KCNAB1: variants seen among roughly 807,000 people sequenced by gnomAD.
KCNAB1 encodes the protein potassium voltage-gated channel subfamily A regulatory beta subunit 1.
In KCNAB1, 35 loss-of-function variants were observed where a neutral mutation model predicts 64.6. The observed-to-expected ratio is 0.54, with a 90% CI of 0.41 to 0.72. The LOEUF (loss-of-function observed/expected upper bound fraction) is 0.72, where lower values mean the gene tolerates loss of function less well. Among genes scored for constraint, KCNAB1 ranks in the 30% least tolerant of loss-of-function variants. KCNAB1 has a pLI of 0.00. For missense variants in KCNAB1, 401 were observed against 512.9 expected (o/e 0.78, Z 2.11); for synonymous variants, 177 against 183.8 (o/e 0.96, Z 0.30).
chr3:156,379,229 T>TA (rs769420014), intron 1 of KCNAB1, among the ~76,000 whole-genome samples: 5 of 152,182 alleles, frequency 3.3e-5, no homozygotes, highest in Non-Finnish European at 7.4e-5. Context: ...ACTGGGGCCC[T>TA]ATTATGTCTG....
chr3:156,143,569 G>GTTGTTTTTTTTTTTTTTT (rs1443482013), intron 1 of KCNAB1: 1 of 281,598 alleles, frequency 3.6e-6, no homozygotes, highest in Admixed American at 4.8e-5. Flanking sequence ...TTGCATTCTT[G>GTTGTTTTTTTTTTTTTTT]TTTTTTTTTT....
In KCNAB1 at chr3:156,516,366, T is replaced by C; in HGVS notation, c.960+2T>C. 1 of 1,604,628 alleles carries C rather than the reference T, an allele frequency of 6.2e-7. No individual in the cohort carries two copies. Among genetic ancestry groups the C allele is most frequent in the Non-Finnish European group, 8.5e-7 (1 of 1,171,376 alleles). ...GAAAGTTCCAGGGCTTCACTGAAGGTATTTTTCTCAATGTCTAGAAAAAAG... is the reference window on the plus strand; with the variant it reads ...GAAAGTTCCAGGGCTTCACTGAAGGCATTTTTCTCAATGTCTAGAAAAAAG... On this transcript the variant is annotated splice_donor_variant, in intron 11 of 13. Coordinates refer to ENST00000490337, the MANE Select transcript of KCNAB1 (RefSeq NM_172160.3). LOFTEE classifies it high-confidence loss of function.
At chr3:156,512,882 T>A (rs1302403290) in intron 8 of KCNAB1, among the ~76,000 whole-genome samples, 1 of 152,216 alleles carries the variant, frequency 6.6e-6, no homozygotes, top group African/African-American at 2.4e-5. Context: ...TGAAAGCATT[T>A]CCATCTTCCA....
intron 8 of KCNAB1, among the ~76,000 whole-genome samples, chr3:156,478,894 T>C (rs1167472852): frequency 1.3e-5 from 2 of 152,078 alleles, no homozygotes; most frequent in African/African-American, 2.4e-5. Context: ...CTCAAAAGAA[T>C]GGCTGTAAAT....
At chr3:156,134,194 AG>A (rs1373353626) in intron 1 of KCNAB1, among the ~76,000 whole-genome samples, 2 of 152,210 alleles carry the variant, frequency 1.3e-5, no homozygotes, top group African/African-American at 4.8e-5. Context: ...AAATATCCTC[AG>A]GGGCTATTAA....
chr3:156,499,761 A>C (rs1440788315), intron 8 of KCNAB1, among the ~76,000 whole-genome samples: 2 of 152,168 alleles, frequency 1.3e-5, no homozygotes, highest in African/African-American at 2.4e-5. Context: ...CGGCTGTGGC[A>C]AAACATAAAT....
intron 8 of KCNAB1, among the ~76,000 whole-genome samples, chr3:156,491,559 AAC>A (rs965458192): frequency 1.3e-5 from 2 of 152,164 alleles, no homozygotes; most frequent in African/African-American, 4.8e-5. Context: ...TAAAAATGAA[AAC>A]ACAGTGAATT....
Position 156,390,357 on chromosome 3 carries a change from AC to A in KCNAB1, c.276-31256del, listed in dbSNP as rs1712940329. 2.0e-5 allele frequency among the ~76,000 whole-genome samples: 3 copies of A among 152,168 alleles called. No homozygotes were observed. The South Asian group carries it at 6.2e-4, about 32-fold the overall frequency. On this transcript the variant is annotated intron_variant, in intron 1 of 13. Transcript: ENST00000490337. ...AGCATTCCTTGACTTAGAAAAAAAA[AC>A]CCTACTTTTTTTTATGGCAACATAC... is the stretch of plus-strand genomic sequence containing the variant.
chr3:156,166,751 G>C (rs1711597233), intron 1 of KCNAB1, among the ~76,000 whole-genome samples: 2 of 152,148 alleles, frequency 1.3e-5, no homozygotes, highest in South Asian at 4.1e-4. Flanking sequence ...TAATGGAATT[G>C]GTAGAATGTA....
rs1016343092 is a variant in KCNAB1, at chr3:156,281,009, G to T, written c.276-140607G>T. ...AGAACTTCCAACACTATGTTGAATA[G>T]GAGTGGTGAGAGAGGACATCCCTGT... is the stretch of plus-strand genomic sequence containing the variant. On this transcript the variant is annotated intron_variant, in intron 1 of 13. Transcript: ENST00000490337. 3.8e-3 allele frequency among the ~76,000 whole-genome samples: 573 copies of T among 151,508 alleles called. 5 individuals are homozygous for T. The highest frequency in any genetic ancestry group is 0.013 in the African/African-American group (549 of 40,962).
intron 1 of KCNAB1, among the ~76,000 whole-genome samples, chr3:156,374,308 T>C (rs2108133383): frequency 6.6e-6 from 1 of 152,318 alleles, no homozygotes; most frequent in South Asian, 2.1e-4. Context: ...GACTCTGTCC[T>C]GAGTGTCTAT....
At chr3:156,272,236 G>T (rs1719079260) in intron 1 of KCNAB1, among the ~76,000 whole-genome samples, 2 of 152,194 alleles carry the variant, frequency 1.3e-5, no homozygotes, top group Non-Finnish European at 1.5e-5. Context: ...AAGGGCCTCA[G>T]GCTGTACAAT....
chr3:156,375,350 G>C (rs2108135343), intron 1 of KCNAB1, among the ~76,000 whole-genome samples: 1 of 134,694 alleles, frequency 7.4e-6, no homozygotes, highest in South Asian at 2.2e-4. Context: ...TGTGGTGGAA[G>C]CTGGGCTGGT....
In KCNAB1 at chr3:156,408,113, G is replaced by T. The variant is rs377126018; in HGVS notation, c.276-13503G>T. ...AGAAGCAGGGAGGCGCTGGGAGGGG[G>T]TGTGCATGAACTAGCTCAGGCAGCA... On this transcript the variant is annotated intron_variant, in intron 1 of 13. Transcript: ENST00000490337. 1.6e-4 allele frequency among the ~76,000 whole-genome samples: 25 copies of T among 152,182 alleles called. No individual in the cohort carries two copies. In the East Asian group the frequency reaches 3.5e-3, roughly 21 times the overall value.
At chr3:156,248,090 A>C (rs1717575017) in intron 1 of KCNAB1, among the ~76,000 whole-genome samples, 4 of 152,146 alleles carry the variant, frequency 2.6e-5, no homozygotes, top group Admixed American at 2.6e-4. Flanking sequence ...TCACCTTGAG[A>C]AGACTTTGTC....
At chr3:156,425,044 T>C (rs925617444) in intron 2 of KCNAB1, among the ~76,000 whole-genome samples, 1 of 152,168 alleles carries the variant, frequency 6.6e-6, no homozygotes, top group African/African-American at 2.4e-5. Flanking sequence ...AAGAAATTCA[T>C]AGAAAGAAAT....
chr3:156,118,222 T>A, upstream of KCNAB1: 1 of 393,782 alleles, frequency 2.5e-6, no homozygotes, highest in Non-Finnish European at 5.1e-6. Flanking sequence ...TGCAGTCAGA[T>A]GTTGGCTGGG....
intron 1 of KCNAB1, among the ~76,000 whole-genome samples, chr3:156,377,978 T>G (rs906056804): frequency 6.6e-6 from 1 of 152,098 alleles, no homozygotes; most frequent in African/African-American, 2.4e-5. Context: ...GGAGGTGCTA[T>G]GGAAGGTGTG....
chr3:156,166,530 TACACACAC>T lies in KCNAB1; in HGVS notation c.275+45662_275+45669del, dbSNP rs57754528. On this transcript the variant is annotated intron_variant, in intron 1 of 13. Transcript: ENST00000490337. ...TAGACAAATTTAAAAAATACATATA[TACACACAC>T]ACACACACACACACACAGATAGGCA... Among the ~76,000 whole-genome samples, 402 of 148,916 alleles carry T rather than the reference TACACACAC, an allele frequency of 2.7e-3. 2 individuals are homozygous for T. Among genetic ancestry groups the T allele is most frequent in the African/African-American group, 9.3e-3 (378 of 40,530 alleles).
Sources: allele counts gnomAD v4.1 joint callset (sites outside exome capture counted in the v4.1 genomes callset), GRCh38; gene constraint gnomAD v4.1.1; transcripts MANE v1.5; gene names NCBI Gene and HGNC (gene_info 2026-07-23, HGNC 2026-07-21).